SPATA16: variants seen among roughly 807,000 people sequenced by gnomAD.
SPATA16 encodes spermatogenesis associated 16.
A neutral mutation model predicts 63.3 loss-of-function variants in SPATA16; 36 were observed. The ratio of observed to expected loss-of-function variants is 0.57; its 90% CI spans 0.44 to 0.75. The LOEUF is 0.75. Among genes scored for constraint, SPATA16 ranks in the 30% least tolerant of loss-of-function variants. The pLI is 0.00. For missense variants in SPATA16, 646 were observed against 679.3 expected, an observed-to-expected ratio of 0.95 and a Z score of 0.54; for synonymous variants, 203 against 216.7, an observed-to-expected ratio of 0.94 and a Z score of 0.56.
intron 4 of SPATA16, among the ~76,000 whole-genome samples, chr3:173,003,699 G>A (rs574252809): frequency 6.6e-6 from 1 of 152,190 alleles, no homozygotes; most frequent in African/African-American, 2.4e-5. Context: ...GTTCATACCA[G>A]TGTTTCACTC....
At chr3:173,117,058 T>TA (rs1737916655) in intron 2 of SPATA16, 62 bp downstream of exon 2, 1 of 1,511,594 alleles carries the variant, frequency 6.6e-7, no homozygotes, top group Non-Finnish European at 9.2e-7. Flanking sequence ...CCCCTCAATG[T>TA]AATTGCAACT....
At chr3:172,942,445 T>C (rs1228682344) in intron 6 of SPATA16, among the ~76,000 whole-genome samples, 1 of 152,122 alleles carries the variant, frequency 6.6e-6, no homozygotes. Flanking sequence ...TAGATTTTAA[T>C]ACAAAAAACG....
intron 2 of SPATA16, among the ~76,000 whole-genome samples, chr3:173,100,707 C>G (rs2901855): frequency 0.29 from 41,061 of 143,828 alleles, 5,837 homozygotes; most frequent in East Asian, 0.43. Context: ...CACACACACA[C>G]AGAGTAAATT....
intron 5 of SPATA16, among the ~76,000 whole-genome samples, chr3:172,974,601 G>A (rs1044354293): frequency 2.0e-5 from 3 of 151,998 alleles, no homozygotes; most frequent in African/African-American, 4.8e-5. Context: ...TATATAATGG[G>A]TGAGTGAATG....
intron 10 of SPATA16, among the ~76,000 whole-genome samples, chr3:172,907,177 GA>G (rs1332234394): frequency 6.6e-6 from 1 of 152,182 alleles, no homozygotes; most frequent in African/African-American, 2.4e-5. Flanking sequence ...GCAGAGAAAG[GA>G]AGTGGCTTCC....
chr3:173,113,775 C>A (rs1737812047), intron 2 of SPATA16, among the ~76,000 whole-genome samples: 1 of 152,144 alleles, frequency 6.6e-6, no homozygotes, highest in Non-Finnish European at 1.5e-5. Context: ...GCCTCCAGGG[C>A]CTTTGCTCCG....
chr3:173,029,964 A>C (rs1440895542), intron 3 of SPATA16, among the ~76,000 whole-genome samples: 11 of 152,026 alleles, frequency 7.2e-5, no homozygotes, highest in Non-Finnish European at 1.6e-4. Context: ...TCATGCCATT[A>C]ATAAATTTGA....
intron 9 of SPATA16, among the ~76,000 whole-genome samples, chr3:172,914,976 G>A (rs1375607497): frequency 2.0e-5 from 3 of 151,962 alleles, no homozygotes; most frequent in African/African-American, 7.2e-5. Context: ...TTTTCAGGAA[G>A]ACAGGATCAA....
rs1734662560 is a variant in SPATA16, at chr3:172,994,929, A to G, written c.849-17877T>C. 2.0e-5 allele frequency among the ~76,000 whole-genome samples: 3 copies of G among 152,090 alleles called. No homozygotes were observed. The South Asian group carries it at 6.2e-4, about 31-fold the overall frequency. On this transcript the variant is annotated intron_variant, in intron 4 of 10. Coordinates refer to ENST00000351008, the MANE Select transcript of SPATA16 (RefSeq NM_031955.6). The stretch of plus-strand genomic sequence containing the variant: ...AGACCAGTAAAAATTTAAGTTTAGA[A>G]CATGTTTTGCTTGAAATGCCTGTAA...
chr3:173,135,668 G>T (rs541642433), intron 1 of SPATA16, among the ~76,000 whole-genome samples: 19 of 152,268 alleles, frequency 1.2e-4, no homozygotes, highest in South Asian at 4.2e-4. Flanking sequence ...AACATGGAGT[G>T]AAAGAAGCCA....
chr3:172,949,924 C>T (rs1213428031), intron 6 of SPATA16, among the ~76,000 whole-genome samples: 1 of 152,114 alleles, frequency 6.6e-6, no homozygotes, highest in African/African-American at 2.4e-5. Context: ...GTGCATTTTA[C>T]AAGGTTTTGC....
intron 4 of SPATA16, among the ~76,000 whole-genome samples, chr3:172,986,832 G>C (rs1453647173): frequency 6.6e-6 from 1 of 152,182 alleles, no homozygotes; most frequent in Non-Finnish European, 1.5e-5. Context: ...TGAGTGAGAA[G>C]ACTGGAGGTG....
At chr3:173,057,312 A>G (rs1443354031) in intron 2 of SPATA16, among the ~76,000 whole-genome samples, 3 of 151,600 alleles carry the variant, frequency 2.0e-5, no homozygotes, top group Non-Finnish European at 4.4e-5. Flanking sequence ...ACGGGGTTTC[A>G]CCGTGTTAGC....
chr3:173,052,985 T>C (rs2108296214), intron 2 of SPATA16, among the ~76,000 whole-genome samples: 1 of 152,310 alleles, frequency 6.6e-6, no homozygotes, highest in East Asian at 1.9e-4. Flanking sequence ...AAATTAAAAG[T>C]CAATATTTAA....
intron 3 of SPATA16, among the ~76,000 whole-genome samples, chr3:173,036,887 A>G (rs1363688083): frequency 2.0e-5 from 3 of 152,026 alleles, no homozygotes; most frequent in Admixed American, 1.3e-4. Flanking sequence ...AATATTTAAC[A>G]TGTAATGGGA....
At position 173,130,997 on chromosome 3, in the gene SPATA16, T is replaced by G. The variant is rs529888532; in HGVS notation, c.-19+10106A>C. Among the ~76,000 whole-genome samples the G allele has an allele frequency of 6.6e-5, 10 of 152,316 alleles. No homozygotes were observed. The South Asian group carries it at 1.9e-3, about 28-fold the overall frequency. ...TGTCAAAATAGTTTAGAAATATAAT[T>G]TTTTACTTTTTCAATCATGTTTCAA... On this transcript the variant is annotated intron_variant, in intron 1 of 10. Transcript: ENST00000351008.
chr3:172,923,955 A>G (rs1732670417), intron 8 of SPATA16, among the ~76,000 whole-genome samples: 1 of 152,254 alleles, frequency 6.6e-6, no homozygotes, highest in Non-Finnish European at 1.5e-5. Flanking sequence ...TTAGGAAGGC[A>G]TAAAGAAAAG....
At chr3:173,017,964 T>TG (rs1465169244) in intron 4 of SPATA16, among the ~76,000 whole-genome samples, 1 of 152,168 alleles carries the variant, frequency 6.6e-6, no homozygotes, top group East Asian at 1.9e-4. Flanking sequence ...GGTCAGAAAG[T>TG]GAGCCACAGA....
intron 1 of SPATA16, among the ~76,000 whole-genome samples, chr3:173,139,519 A>G (rs1318052764): frequency 6.6e-6 from 1 of 152,244 alleles, no homozygotes; most frequent in Admixed American, 6.5e-5. Context: ...AAGGATTTAA[A>G]AACCCTTGAG....
Sources: allele counts gnomAD v4.1 joint callset (sites outside exome capture counted in the v4.1 genomes callset), GRCh38; gene constraint gnomAD v4.1.1; transcripts MANE v1.5; gene names NCBI Gene and HGNC (gene_info 2026-07-23, HGNC 2026-07-21).